MIA2: variants seen among roughly 807,000 people sequenced by gnomAD.
MIA2 encodes MIA SH3 domain ER export factor 2.
In MIA2, 127 loss-of-function variants were observed where a neutral mutation model predicts 167.8. The ratio of observed to expected loss-of-function variants is 0.76; its 90% CI spans 0.66 to 0.88. The LOEUF (loss-of-function observed/expected upper bound fraction) is 0.88. MIA2 is among the 40% of genes least tolerant of loss of function. The probability of loss-of-function intolerance (pLI) is 0.00; values close to 1 mark genes in which losing one functional copy is unlikely to be tolerated. For synonymous variants in MIA2, 552 were observed against 541.9 expected (o/e 1.02, Z -0.26); for missense variants, 1,690 against 1,624.7 (o/e 1.04, Z -0.69).
At chr14:39,243,655 C>T (rs1301052936) in intron 3 of MIA2, among the ~76,000 whole-genome samples, 1 of 152,170 alleles carries the variant, frequency 6.6e-6, no homozygotes, top group African/African-American at 2.4e-5. Context: ...CATCTGAGGT[C>T]AGGAGTTTGA....
Position 39,279,473 on chromosome 14 carries a change from T to G in MIA2, c.2066T>G (p.Met689Arg). The change falls in exon 9 of 29, where the codon ATG (methionine) becomes AGG (arginine). Residue 689 changes from methionine (M) to arginine (R), a missense_variant. Met to Arg is a moderately conservative substitution (Grantham distance 91). Coordinates refer to ENST00000640607, the MANE Select transcript of MIA2 (RefSeq NM_001329214.4). Reference sequence around the variant, plus strand: ...GGACGAGAGAAAAAGCTTGCTCTAATGCTTTCTGGACTAATTGAAGAAAAA... The same window carrying G: ...GGACGAGAGAAAAAGCTTGCTCTAAGGCTTTCTGGACTAATTGAAGAAAAA... ...YVGREKKLAL[M>R]LSGLIEEKSK... The G allele has an allele frequency of 6.2e-7, 1 of 1,609,470 alleles. No homozygotes were observed. Among genetic ancestry groups the G allele is most frequent in the Non-Finnish European group, 8.5e-7 (1 of 1,179,168 alleles).
intron 9 of MIA2, among the ~76,000 whole-genome samples, chr14:39,289,176 G>C (rs1231457340): frequency 6.6e-6 from 1 of 151,934 alleles, no homozygotes; most frequent in African/African-American, 2.4e-5. Context: ...CCTCAGTTCA[G>C]AGGATTAGTC....
intron 13 of MIA2, among the ~76,000 whole-genome samples, chr14:39,295,628 C>T (rs774819377): frequency 1.3e-5 from 2 of 151,986 alleles, no homozygotes; most frequent in East Asian, 3.9e-4. Context: ...GGCGTGATCT[C>T]GGCTCACTGC....
At chr14:39,317,007 T>C (rs2065579470) in intron 21 of MIA2, among the ~76,000 whole-genome samples, 1 of 152,088 alleles carries the variant, frequency 6.6e-6, no homozygotes, top group Non-Finnish European at 1.5e-5. Flanking sequence ...TTTAGTGAAG[T>C]CTTCTAAGGT....
Position 39,247,989 on chromosome 14 carries a change from A to G in MIA2, c.1415A>G (p.Asn472Ser). Residue 472 changes from asparagine (N) to serine (S), a missense_variant, in exon 4 of 29, where the codon AAC (asparagine) becomes AGC (serine). Transcript: ENST00000640607. ...TTTGACAACCCTTGGAACTTCCAGA[A>G]CATTCCAAAGGAAACAGAATTGCCA... ...YNFDNPWNFQ[N>S]IPKETELPFP... The G allele has an allele frequency of 6.3e-7, 1 of 1,590,322 alleles. No individual in the cohort carries two copies. The highest frequency in any genetic ancestry group is 2.2e-5 in the East Asian group (1 of 44,614).
chr14:39,267,372 C>T, intron 6 of MIA2: 1 of 1,593,816 alleles, frequency 6.3e-7, no homozygotes, highest in East Asian at 2.2e-5. Flanking sequence ...ATTCGGGTTC[C>T]GGACCGAAGG....
At chr14:39,380,339 A>G (rs1352718227) in intron 23 of MIA2, among the ~76,000 whole-genome samples, 1 of 152,210 alleles carries the variant, frequency 6.6e-6, no homozygotes, top group Admixed American at 6.5e-5. Flanking sequence ...ACTCAGATGA[A>G]AACCAGATAG....
At chr14:39,290,820 G>A (rs561339174) in intron 9 of MIA2, among the ~76,000 whole-genome samples, 199 bp from the exon 10 acceptor site, 2 of 152,344 alleles carry the variant, frequency 1.3e-5, no homozygotes, top group South Asian at 4.1e-4. Context: ...TGTTGCCAGA[G>A]CTAGTGGTTT....
intron 9 of MIA2, among the ~76,000 whole-genome samples, chr14:39,280,950 TC>T (rs1301943691): frequency 7.3e-6 from 1 of 137,218 alleles, no homozygotes; most frequent in Non-Finnish European, 1.5e-5. Context: ...ACAGCGTCTC[TC>T]TCTCTCTCTT....
At chr14:39,349,329 G>C (rs977458279) in intron 28 of MIA2, among the ~76,000 whole-genome samples, 1 of 152,092 alleles carries the variant, frequency 6.6e-6, no homozygotes, top group Non-Finnish European at 1.5e-5. Flanking sequence ...TTATATTCTA[G>C]CATTAAAATT....
At chr14:39,256,720 A>C (rs1441791828) in intron 6 of MIA2, among the ~76,000 whole-genome samples, 1 of 152,188 alleles carries the variant, frequency 6.6e-6, no homozygotes, top group Non-Finnish European at 1.5e-5. Flanking sequence ...TTGCAAGTTC[A>C]AATATAGAAA....
At chr14:39,321,845 C>G (rs10130008) in intron 24 of MIA2, among the ~76,000 whole-genome samples, 41,646 of 150,814 alleles carry the variant, frequency 0.28, 5,911 homozygotes, top group East Asian at 0.5. Flanking sequence ...ACTGCAACCT[C>G]TGCCTCCCAG....
chr14:39,316,985 C>T (rs2065569999), intron 21 of MIA2, among the ~76,000 whole-genome samples: 2 of 152,184 alleles, frequency 1.3e-5, no homozygotes, highest in Admixed American at 6.5e-5. Flanking sequence ...ATCCCTCCCT[C>T]ACCGCTGCGT....
intron 13 of MIA2, among the ~76,000 whole-genome samples, chr14:39,298,413 T>TTTTATA (rs1397878336): frequency 8.4e-4 from 22 of 26,122 alleles, no homozygotes; most frequent in African/African-American, 2.1e-3. Context: ...TGATTCTGTT[T>TTTTATA]TATATATATA....
chr14:39,297,942 C>G (rs114608689), intron 13 of MIA2, among the ~76,000 whole-genome samples: 168 of 152,146 alleles, frequency 1.1e-3, no homozygotes, highest in African/African-American at 3.8e-3. Flanking sequence ...TTTAAGTTCT[C>G]TCTAGTTGGT....
chr14:39,287,302 T>C (rs912766308), intron 9 of MIA2, among the ~76,000 whole-genome samples: 2 of 151,966 alleles, frequency 1.3e-5, no homozygotes, highest in Admixed American at 1.3e-4. Flanking sequence ...GTCTCGAACT[T>C]GGGCTCAAGT....
chr14:39,304,176 A>T, intron 16 of MIA2, 115 bp from the exon 17 acceptor site: 1 of 450,458 alleles, frequency 2.2e-6, no homozygotes, highest in Non-Finnish European at 4.0e-6. Flanking sequence ...ATTTCATCAA[A>T]ACGATAAAAT....
chr14:39,270,203 T>G (rs2056880307), intron 6 of MIA2, among the ~76,000 whole-genome samples: 1 of 144,416 alleles, frequency 6.9e-6, no homozygotes, highest in African/African-American at 2.6e-5. Context: ...TGTTGTGGTT[T>G]TTTTTTTTTT....
rs1566746832 is a variant in MIA2, at chr14:39,288,450, TATATATATATA to T, written c.2131-2568_2131-2558del. Reference sequence around the variant, plus strand: ...TATTATACATATATATATATATATATATATATATATATATATATATATATATTTTTTTTTTT... The same window carrying T: ...TATTATACATATATATATATATATATTATATATATATATATTTTTTTTTTT... On this transcript the variant is annotated intron_variant, in intron 9 of 28. Transcript: ENST00000640607. Among the ~76,000 whole-genome samples the T allele has an allele frequency of 3.6e-3, 91 of 25,438 alleles. 11 individuals are homozygous for T. The Middle Eastern group carries it at 0.039, about 11-fold the overall frequency. 16.7% of individuals were successfully genotyped at this position (25,438 alleles called of 152,430 possible).
Sources: allele counts gnomAD v4.1 joint callset (sites outside exome capture counted in the v4.1 genomes callset), GRCh38; gene constraint gnomAD v4.1.1; transcripts MANE v1.5; gene names NCBI Gene and HGNC (gene_info 2026-07-23, HGNC 2026-07-21).